Variants in HDAC4 observed in about 807,000 individuals in gnomAD.
HDAC4 encodes the protein histone deacetylase A.
HDAC4 carries 16 observed loss-of-function variants against 135.1 expected under a neutral mutation model. The observed-to-expected ratio is 0.12, with a 90% CI of 0.08 to 0.18. The LOEUF is 0.18. HDAC4 is among the 10% of genes least tolerant of loss of function. The pLI is 1.00. For missense variants in HDAC4, 1,143 were observed against 1,511.8 expected, an observed-to-expected ratio of 0.76 and a Z score of 4.05; for synonymous variants, 685 against 653.4, an observed-to-expected ratio of 1.05 and a Z score of -0.74.
Position 239,146,391 on chromosome 2 carries a change from T to C in HDAC4, c.734-1677A>G, listed in dbSNP as rs1043939121. On this transcript the variant is annotated intron_variant, in intron 7 of 26. Coordinates refer to ENST00000543185, the MANE Select transcript of HDAC4 (RefSeq NM_001378414.1). The surrounding 1 kb of genome is among the most constrained non-coding windows in gnomAD (Gnocchi z 4.5). The stretch of plus-strand genomic sequence containing the variant: ...ACTTCTGAGAGGCAGGGGCTGTGTG[T>C]GCCCACAGAAGAGCACAGGGTCCCT... Among the ~76,000 whole-genome samples the C allele has an allele frequency of 5.9e-5, 9 of 152,178 alleles. No individual in the cohort carries two copies. The highest frequency in any genetic ancestry group is 1.2e-4 in the Non-Finnish European group (8 of 68,020).
intron 6 of HDAC4, among the ~76,000 whole-genome samples, chr2:239,163,089 T>TC (rs11374131): frequency 0.91 from 138,292 of 152,022 alleles, 62,974 homozygotes; most frequent in South Asian, 0.97. Context: ...CTGTGAACTC[T>TC]CCCCCGAAGG....
At chr2:239,370,808 G>A (rs1694555030) in intron 1 of HDAC4, among the ~76,000 whole-genome samples, 1 of 152,210 alleles carries the variant, frequency 6.6e-6, no homozygotes, top group South Asian at 2.1e-4. Context: ...GCATCATGCT[G>A]GGTCTTTTCA....
chr2:239,055,839 C>G (rs923648787), intron 24 of HDAC4, among the ~76,000 whole-genome samples: 1 of 152,168 alleles, frequency 6.6e-6, no homozygotes, highest in Non-Finnish European at 1.5e-5. Context: ...TGGAACAAAG[C>G]TGGACCTGAG....
chr2:239,072,515 T>TC (rs1305741007), intron 22 of HDAC4, among the ~76,000 whole-genome samples: 1 of 152,090 alleles, frequency 6.6e-6, no homozygotes, highest in Non-Finnish European at 1.5e-5. Context: ...CCCCACGGCC[T>TC]CCCCAGCACA....
rs183738713 is a variant in HDAC4, at chr2:239,309,552, C to T, written c.22+43126G>A. Among the ~76,000 whole-genome samples, 2 of 152,358 alleles carry T rather than the reference C, an allele frequency of 1.3e-5. No individual in the cohort carries two copies. The highest frequency in any genetic ancestry group is 4.8e-5 in the African/African-American group (2 of 41,590). The stretch of plus-strand genomic sequence containing the variant: ...AGAGGGAAATACGATTTATCTCTGG[C>T]CTGCATTTACTTCTCCTGCACCTGG... On this transcript the variant is annotated intron_variant, in intron 2 of 26. Transcript: ENST00000543185. The surrounding 1 kb of genome is among the most constrained non-coding windows in gnomAD (Gnocchi z 4.2).
intron 1 of HDAC4, among the ~76,000 whole-genome samples, chr2:239,398,107 G>A (rs993124615): frequency 3.9e-5 from 6 of 152,210 alleles, no homozygotes; most frequent in African/African-American, 1.4e-4. Flanking sequence ...GAGCCTCGGA[G>A]GAAAGCCCGG....
intron 2 of HDAC4, among the ~76,000 whole-genome samples, chr2:239,297,978 G>C (rs2052014030): frequency 6.6e-6 from 1 of 152,088 alleles, no homozygotes; most frequent in Admixed American, 6.5e-5. Flanking sequence ...AAGTGCCTCT[G>C]TCCCTACATG....
intron 1 of HDAC4, among the ~76,000 whole-genome samples, chr2:239,394,057 G>A (rs1451502741): frequency 1.5e-5 from 2 of 131,058 alleles, no homozygotes; most frequent in African/African-American, 5.7e-5. Flanking sequence ...AACCGCTCCA[G>A]CAAATAGCAA....
chr2:239,168,832 C>A (rs2043276308), intron 5 of HDAC4, among the ~76,000 whole-genome samples: 1 of 152,216 alleles, frequency 6.6e-6, no homozygotes, highest in Admixed American at 6.5e-5. Flanking sequence ...TGCCAAGTAC[C>A]CAACTGTACA....
chr2:239,075,574 C>T (rs371841349), intron 22 of HDAC4, among the ~76,000 whole-genome samples: 1 of 152,166 alleles, frequency 6.6e-6, no homozygotes, highest in Non-Finnish European at 1.5e-5. Flanking sequence ...CCGTGAGGCA[C>T]GTACAGAGGG....
At position 239,349,382 on chromosome 2, in the gene HDAC4, T is replaced by G. The variant is rs931909006; in HGVS notation, c.22+3296A>C. ...AAATTTCCCGCTCAAGAGAGCAAACTGAATCCTTTAGTATTAATGATTTCT... is the reference window on the plus strand; with the variant it reads ...AAATTTCCCGCTCAAGAGAGCAAACGGAATCCTTTAGTATTAATGATTTCT... On this transcript the variant is annotated intron_variant, in intron 2 of 26. Coordinates refer to ENST00000543185, the MANE Select transcript of HDAC4 (RefSeq NM_001378414.1). This position sits in a 1 kb window ranked among gnomAD's most constrained non-coding sequence, Gnocchi z 5.7. 1.3e-5 allele frequency among the ~76,000 whole-genome samples: 2 copies of G among 152,228 alleles called. No homozygotes were observed. The highest frequency in any genetic ancestry group is 2.9e-5 in the Non-Finnish European group (2 of 68,038).
At chr2:239,333,690 A>G (rs1286431772) in intron 2 of HDAC4, among the ~76,000 whole-genome samples, 1 of 152,212 alleles carries the variant, frequency 6.6e-6, no homozygotes, top group Non-Finnish European at 1.5e-5. Context: ...AAGTTGAACC[A>G]AATGAAAATA....
rs2052593551 is a variant in HDAC4 at position 239,306,537 on chromosome 2, T to C, written c.22+46141A>G. Among the ~76,000 whole-genome samples, 1 of 152,094 alleles carries C rather than the reference T, an allele frequency of 6.6e-6. No individual in the cohort carries two copies. Among genetic ancestry groups the C allele is most frequent in the Non-Finnish European group, 1.5e-5 (1 of 68,014 alleles). ...AATCATCTGGGCCCCGACACACTTG[T>C]TTCGTACCTTTCCCGGTCATGATAC... On this transcript the variant is annotated intron_variant, in intron 2 of 26. Transcript: ENST00000543185. This position sits in a 1 kb window ranked among gnomAD's most constrained non-coding sequence, Gnocchi z 4.5.
At chr2:239,264,281 G>T (rs1015471272) in intron 2 of HDAC4, among the ~76,000 whole-genome samples, 1 of 152,232 alleles carries the variant, frequency 6.6e-6, no homozygotes, top group Admixed American at 6.5e-5. Context: ...GCGCCTGCCA[G>T]GTTCCATTCA....
chr2:239,200,809 G>A (rs6742444), intron 3 of HDAC4, among the ~76,000 whole-genome samples: 3,751 of 152,270 alleles, frequency 0.025, 161 homozygotes, highest in African/African-American at 0.085. Context: ...TCGGAGTGGC[G>A]TTCTCGGTGC....
chr2:239,081,223 T>C (rs749982710), intron 21 of HDAC4, 31 bp from the exon 22 acceptor site: 8 of 1,579,286 alleles, frequency 5.1e-6, no homozygotes, highest in Middle Eastern at 1.7e-4. Context: ...ACACACGTCA[T>C]GGACCCCGAG....
At chr2:239,071,256 A>G (rs560489849) in intron 22 of HDAC4, among the ~76,000 whole-genome samples, 198 of 152,170 alleles carry the variant, frequency 1.3e-3, no homozygotes, top group Non-Finnish European at 6.2e-4. Context: ...CATCTCCACT[A>G]AAAATACAAA....
At chr2:239,064,360 A>G (rs1359314946) in intron 24 of HDAC4, among the ~76,000 whole-genome samples, 1 of 152,152 alleles carries the variant, frequency 6.6e-6, no homozygotes, top group East Asian at 1.9e-4. Flanking sequence ...AGGGGCCCGG[A>G]GGATGCCCTG....
At chr2:239,234,732 G>A (rs945372537) in intron 3 of HDAC4, among the ~76,000 whole-genome samples, 1 of 152,222 alleles carries the variant, frequency 6.6e-6, no homozygotes, top group Non-Finnish European at 1.5e-5. Flanking sequence ...GTGGGAGGCT[G>A]AAGCCCCGGC....
Sources: gnomAD v4.1 joint callset for allele counts (sites outside exome capture counted in the v4.1 genomes callset) on GRCh38, gnomAD v4.1.1 for gene constraint, Gnocchi (gnomAD v3.1) non-coding constraint, MANE v1.5 for transcripts, NCBI Gene and HGNC (gene_info 2026-07-23, HGNC 2026-07-21) for gene names.